The following ST8SIA4 variants were observed in gnomAD, a reference collection of about 807,000 sequenced individuals.
ST8SIA4 encodes the protein ST8 alpha-N-acetyl-neuraminide alpha-2,8-sialyltransferase 4.
In ST8SIA4, 15 loss-of-function variants were observed where a neutral mutation model predicts 33.9. The observed-to-expected ratio is 0.44, with a 90% CI of 0.30 to 0.68. The LOEUF (loss-of-function observed/expected upper bound fraction) is 0.68. Ranked by LOEUF, ST8SIA4 falls within the 30% of genes least tolerant of loss-of-function variation. ST8SIA4 has a pLI of 0.10. For synonymous variants in ST8SIA4, 171 were observed against 151.2 expected (o/e 1.13, Z -0.96); for missense variants, 321 against 428.0 (o/e 0.75, Z 2.21).
chr5:100,824,896 CAAAA>C (rs34354091), intron 4 of ST8SIA4, among the ~76,000 whole-genome samples: 1 of 115,220 alleles, frequency 8.7e-6, no homozygotes. Context: ...CCTGTCTTGA[CAAAA>C]AAAAAAAAAA....
At chr5:100,894,507 G>A (rs1429341016) in intron 2 of ST8SIA4, among the ~76,000 whole-genome samples, 1 of 152,006 alleles carries the variant, frequency 6.6e-6, no homozygotes, top group Non-Finnish European at 1.5e-5. Context: ...TTTGATTCCT[G>A]TTTCCCTTCC....
intron 3 of ST8SIA4, among the ~76,000 whole-genome samples, chr5:100,871,737 A>G (rs572271281): frequency 6.6e-6 from 1 of 152,212 alleles, no homozygotes; most frequent in South Asian, 2.1e-4. Context: ...GTCCTTTAGC[A>G]TCACTCATTA....
intron 4 of ST8SIA4, among the ~76,000 whole-genome samples, chr5:100,816,956 A>G (rs980951874): frequency 6.8e-6 from 1 of 147,828 alleles, no homozygotes. Context: ...TTTTTTTGAG[A>G]CAGAGTCTCA....
At chr5:100,892,591 A>T (rs1470668113) in intron 2 of ST8SIA4, among the ~76,000 whole-genome samples, 1 of 152,134 alleles carries the variant, frequency 6.6e-6, no homozygotes, top group Non-Finnish European at 1.5e-5. Context: ...ATATCCACAA[A>T]TGTAAAAAAA....
chr5:100,886,482 G>A lies in ST8SIA4; in HGVS notation c.364C>T (p.His122Tyr), dbSNP rs752562778. Residue 122 changes from histidine (H) to tyrosine (Y), a missense_variant, in exon 3 of 5, where the codon CAT becomes TAT. By Grantham distance (83) the His-to-Tyr change is moderately conservative. Coordinates refer to ENST00000231461, the MANE Select transcript of ST8SIA4 (RefSeq NM_005668.6). Reference sequence around the variant, plus strand: ...TCAGGTAGGAGGCTATGTAGATCATGAGAAATGTTTAGTGTCCGGCGCCTG... The same window carrying A: ...TCAGGTAGGAGGCTATGTAGATCATAAGAAATGTTTAGTGTCCGGCGCCTG... ...LDRRRTLNISHDLHSLLPEVS... is the reference protein window; with the variant it reads ...LDRRRTLNISYDLHSLLPEVS... 2 of 1,613,916 alleles carry A rather than the reference G, an allele frequency of 1.2e-6. No homozygotes were observed. The highest frequency in any genetic ancestry group is 2.7e-5 in the African/African-American group (2 of 75,016).
intron 4 of ST8SIA4, among the ~76,000 whole-genome samples, chr5:100,821,552 T>G (rs955480315): frequency 1.5e-4 from 23 of 152,180 alleles, no homozygotes; most frequent in Non-Finnish European, 2.6e-4. Context: ...TCAGTTTACA[T>G]CAATAAATCA....
chr5:100,849,622 A>C (rs927061022), intron 4 of ST8SIA4, among the ~76,000 whole-genome samples: 4 of 71,218 alleles, frequency 5.6e-5, no homozygotes, highest in Non-Finnish European at 1.3e-4. Flanking sequence ...CCCTTCCAAA[A>C]ATAGAGAAAA....
rs1325766306 is a variant in ST8SIA4, at chr5:100,808,503, A to C, written c.*3344T>G. 6.6e-6 allele frequency: 1 copy of C among 152,580 alleles called. No homozygotes were observed. Among genetic ancestry groups the C allele is most frequent in the Admixed American group, 6.5e-5 (1 of 15,288 alleles). The allele number at this position is 152,580 out of a possible 1,614,324, so 9.5% of individuals were successfully genotyped here. A position where few individuals can be genotyped will look rare whatever the true frequency, so the allele number is the denominator to read the frequency against. The stretch of plus-strand genomic sequence containing the variant: ...AATGATGAAAATGTTTCCATGGTCT[A>C]TTCATGTCAACAGCACAATAACAAC... On this transcript the variant is annotated 3_prime_UTR_variant, in exon 5 of 5. Coordinates refer to ENST00000231461, the MANE Select transcript of ST8SIA4 (RefSeq NM_005668.6).
chr5:100,902,788 A>G, intron 1 of ST8SIA4, 55 bp downstream of exon 1: 1 of 1,458,248 alleles, frequency 6.9e-7, no homozygotes, highest in Non-Finnish European at 9.6e-7. Context: ...CTATATTCAC[A>G]TTTCATTTAT....
At chr5:100,900,605 T>C (rs1032128868) in intron 1 of ST8SIA4, 5 of 418,908 alleles carry the variant, frequency 1.2e-5, no homozygotes, top group South Asian at 3.4e-5. Context: ...TGCACAGTCT[T>C]GGTCTCTCAG....
rs1183695841 is a variant in ST8SIA4, at chr5:100,830,882, A to G, written c.798-18753T>C. ...GGAGATTCAGTAATCATATCTATTT[A>G]TGTAACTATACTTGCATATGACTTC... On this transcript the variant is annotated intron_variant, in intron 4 of 4. Transcript: ENST00000231461. Among the ~76,000 whole-genome samples the G allele has an allele frequency of 7.2e-5, 11 of 152,236 alleles. No homozygotes were observed. The East Asian group carries it at 1.9e-3, about 27-fold the overall frequency.
intron 3 of ST8SIA4, among the ~76,000 whole-genome samples, chr5:100,862,474 C>G (rs964887785): frequency 1.9e-4 from 29 of 152,262 alleles, no homozygotes; most frequent in Non-Finnish European, 4.0e-4. Context: ...TATCGGCTCC[C>G]TCCTATCTCC....
chr5:100,824,848 C>A (rs1252427839), intron 4 of ST8SIA4, among the ~76,000 whole-genome samples: 3 of 149,854 alleles, frequency 2.0e-5, no homozygotes, highest in Non-Finnish European at 1.5e-5. Flanking sequence ...GTCCTGGAGG[C>A]CAAAGGTGTG....
chr5:100,823,132 T>TAAACAAAC (rs3995455), intron 4 of ST8SIA4, among the ~76,000 whole-genome samples: 44 of 139,794 alleles, frequency 3.1e-4, no homozygotes, highest in African/African-American at 1.2e-3. Flanking sequence ...CTCCGTCTCA[T>TAAACAAAC]AAACAAACAA....
intron 2 of ST8SIA4, among the ~76,000 whole-genome samples, chr5:100,895,443 C>T (rs1269843147): frequency 6.6e-6 from 1 of 152,004 alleles, no homozygotes; most frequent in Non-Finnish European, 1.5e-5. Flanking sequence ...ATTCAAAACT[C>T]ACATATTCAT....
rs1267312045 is a variant in ST8SIA4, at chr5:100,812,070, GT to G, written c.856del (p.Thr286HisfsTer22). ...KRPSTGLLMY[T>X]LATRFCDEIH... ...TTCATCACAGAATCTTGTGGCAAGT[GT>G]ATACATGAGAAGACCTGTGCTGGGT... On this transcript the variant is annotated frameshift_variant, in exon 5 of 5. Coordinates refer to ENST00000231461, the MANE Select transcript of ST8SIA4 (RefSeq NM_005668.6). LOFTEE classifies it high-confidence loss of function. 6.2e-7 allele frequency: 1 copy of G among 1,614,004 alleles called. No homozygotes were observed. Among genetic ancestry groups the G allele is most frequent in the Non-Finnish European group, 8.5e-7 (1 of 1,180,006 alleles).
chr5:100,902,775 C>A, intron 1 of ST8SIA4, 68 bp downstream of exon 1: 2 of 1,310,392 alleles, frequency 1.5e-6, no homozygotes, highest in East Asian at 2.3e-5. Flanking sequence ...ATCACTCTAC[C>A]CTCTATATTC....
chr5:100,859,345 G>T (rs1751884041), intron 3 of ST8SIA4, among the ~76,000 whole-genome samples: 1 of 152,046 alleles, frequency 6.6e-6, no homozygotes, highest in Non-Finnish European at 1.5e-5. Flanking sequence ...TAAAATAGAG[G>T]AGTAGCCAGT....
intron 4 of ST8SIA4, among the ~76,000 whole-genome samples, chr5:100,829,886 C>T (rs946572106): frequency 2.8e-5 from 4 of 143,500 alleles, no homozygotes; most frequent in African/African-American, 5.2e-5. Context: ...CCAACCTGGG[C>T]GACAGAGCGA....
Sources: gnomAD v4.1 joint callset for allele counts (sites outside exome capture counted in the v4.1 genomes callset) on GRCh38, gnomAD v4.1.1 for gene constraint, MANE v1.5 for transcripts, NCBI Gene and HGNC (gene_info 2026-07-23, HGNC 2026-07-21) for gene names.